The following XNDC1N variants were observed in gnomAD, a reference collection of about 807,000 sequenced individuals.
The protein encoded by XNDC1N is protein XNDC1N.
At chr11:71,890,193 C>T in the XNDC1N span, among the ~76,000 whole-genome samples, 2 of 152,090 alleles carry the variant, frequency 1.3e-5, no homozygotes, top group Non-Finnish European at 2.9e-5. Flanking sequence ...CCCCTCCTCC[C>T]CCGGCCCCGG....
chr11:71,909,603 T>C, the XNDC1N span, among the ~76,000 whole-genome samples: 725 of 152,140 alleles, frequency 4.8e-3, 4 homozygotes, highest in African/African-American at 0.014. Context: ...GGGGTGGAGA[T>C]ATTGACTTTC....
At chr11:71,928,550 AG>A in the XNDC1N span, 1 of 702,546 alleles carries the variant, frequency 1.4e-6, no homozygotes, top group Non-Finnish European at 2.6e-6. Context: ...AGTCCTACCG[AG>A]GCAAGATGGC....
chr11:71,870,079 A>T, the XNDC1N span, among the ~76,000 whole-genome samples: 1 of 152,186 alleles, frequency 6.6e-6, no homozygotes. Context: ...GTGCAGGGGA[A>T]TTCCCATTTA....
chr11:71,876,497 A>G, the XNDC1N span, among the ~76,000 whole-genome samples: 1 of 152,184 alleles, frequency 6.6e-6, no homozygotes, highest in South Asian at 2.1e-4. Flanking sequence ...CATGGATTAC[A>G]CAATGTTCTT....
At chr11:71,888,001 C>T in the XNDC1N span, among the ~76,000 whole-genome samples, 2 of 152,290 alleles carry the variant, frequency 1.3e-5, no homozygotes, top group South Asian at 4.1e-4. Context: ...TCAAGAACTC[C>T]CCCACCATCT....
the XNDC1N span, among the ~76,000 whole-genome samples, chr11:71,926,529 T>C: frequency 6.6e-6 from 1 of 152,166 alleles, no homozygotes; most frequent in Non-Finnish European, 1.5e-5. Context: ...AACAATAAAG[T>C]AATAAATGAT....
At chr11:71,889,603 C>G in the XNDC1N span, among the ~76,000 whole-genome samples, 1 of 152,170 alleles carries the variant, frequency 6.6e-6, no homozygotes, top group Non-Finnish European at 1.5e-5. Flanking sequence ...AACCACCCAT[C>G]GAGGTCAGGA....
the XNDC1N span, among the ~76,000 whole-genome samples, chr11:71,893,085 C>T: frequency 1.3e-5 from 2 of 152,178 alleles, no homozygotes; most frequent in Non-Finnish European, 2.9e-5. Flanking sequence ...TATTTCATGG[C>T]TTCTTAATTT....
At chr11:71,871,491 T>C in the XNDC1N span, among the ~76,000 whole-genome samples, 1 of 152,162 alleles carries the variant, frequency 6.6e-6, no homozygotes, top group South Asian at 2.1e-4. Flanking sequence ...AAATGTATTA[T>C]ACATTTTGAA....
chr11:71,865,771 GT>G, the XNDC1N span: 12,911 of 349,774 alleles, frequency 0.037, 1 homozygote, highest in South Asian at 0.051. Flanking sequence ...GAGAAGAACA[GT>G]TTTTTTTTTT....
the XNDC1N span, among the ~76,000 whole-genome samples, chr11:71,868,911 G>C: frequency 6.6e-6 from 1 of 152,092 alleles, no homozygotes; most frequent in African/African-American, 2.4e-5. Flanking sequence ...TTTCAGGGAT[G>C]CCAGTGAGTC....
At chr11:71,891,253 T>C in the XNDC1N span, among the ~76,000 whole-genome samples, 5 of 151,102 alleles carry the variant, frequency 3.3e-5, no homozygotes, top group African/African-American at 1.2e-4. Context: ...CCTCTCTCCC[T>C]GTGGATATTA....
the XNDC1N span, among the ~76,000 whole-genome samples, chr11:71,897,579 G>C: frequency 0.028 from 4,261 of 152,306 alleles, 71 homozygotes; most frequent in East Asian, 0.08. Context: ...GGTGAGACTA[G>C]AGAGAAGTAG....
the XNDC1N span, chr11:71,914,307 T>C: frequency 4.4e-6 from 2 of 456,232 alleles, no homozygotes; most frequent in Admixed American, 4.7e-5. Context: ...AACATGAATG[T>C]GAATTTGGAA....
chr11:71,884,663 C>T, the XNDC1N span: 635 of 1,400,624 alleles, frequency 4.5e-4, 4 homozygotes, highest in African/African-American at 7.7e-3. Flanking sequence ...ATTATAATTG[C>T]ATGTTTAGAT....
chr11:71,876,106 C>A, the XNDC1N span, among the ~76,000 whole-genome samples: 1 of 152,132 alleles, frequency 6.6e-6, no homozygotes, highest in African/African-American at 2.4e-5. Flanking sequence ...GTCCCCAAAG[C>A]TGTCAGTACT....
chr11:71,870,186 T>C, the XNDC1N span, among the ~76,000 whole-genome samples: 1 of 152,222 alleles, frequency 6.6e-6, no homozygotes, highest in Non-Finnish European at 1.5e-5. Flanking sequence ...TGGGGATTTA[T>C]TCAAGGTGAC....
At chr11:71,925,928 C>T in the XNDC1N span, 1 of 151,902 alleles carries the variant, frequency 6.6e-6, no homozygotes, top group Admixed American at 6.6e-5. Flanking sequence ...TTTGAAGAAA[C>T]TCACAGCATA....
At chr11:71,911,384 T>C in the XNDC1N span, among the ~76,000 whole-genome samples, 4 of 152,320 alleles carry the variant, frequency 2.6e-5, no homozygotes, top group African/African-American at 9.6e-5. Flanking sequence ...TTGGACTCAA[T>C]TCACTCTAGC....
Sources: allele counts gnomAD v4.1 joint callset (sites outside exome capture counted in the v4.1 genomes callset), GRCh38; gene constraint gnomAD v4.1.1; transcripts MANE v1.5; gene names NCBI Gene and HGNC (gene_info 2026-07-23, HGNC 2026-07-21).